KCNT2: variants seen among roughly 807,000 people sequenced by gnomAD.
KCNT2 encodes potassium channel subfamily T member 2.
A neutral mutation model predicts 153.8 loss-of-function variants in KCNT2; 67 were observed. That is an observed-to-expected ratio of 0.44 (90% confidence interval 0.36 to 0.53). The LOEUF is 0.53. Among genes scored for constraint, KCNT2 ranks in the 20% least tolerant of loss-of-function variants. KCNT2 has a pLI of 0.00. For missense variants in KCNT2, 975 were observed against 1,354.8 expected (o/e 0.72, Z 4.40); for synonymous variants, 500 against 458.8 (o/e 1.09, Z -1.15).
At chr1:196,389,989 G>A (rs983193919) in intron 13 of KCNT2, among the ~76,000 whole-genome samples, 1 of 151,334 alleles carries the variant, frequency 6.6e-6, no homozygotes, top group African/African-American at 2.4e-5. Context: ...TTTTTAGCCT[G>A]GCTTTTAGAG....
At chr1:196,508,189 C>A (rs1399252741) in intron 1 of KCNT2, among the ~76,000 whole-genome samples, 177 of 59,926 alleles carry the variant, frequency 3.0e-3, no homozygotes, top group African/African-American at 6.4e-3. Flanking sequence ...CCCTAAGTAG[C>A]AAAAAAAAAA....
chr1:196,533,171 C>A (rs1040487118), intron 1 of KCNT2, among the ~76,000 whole-genome samples: 3 of 152,028 alleles, frequency 2.0e-5, no homozygotes, highest in African/African-American at 7.2e-5. Context: ...ATTACTTGCA[C>A]CTACTAATAT....
intron 8 of KCNT2, among the ~76,000 whole-genome samples, chr1:196,433,620 A>T (rs999644415): frequency 1.3e-5 from 2 of 152,100 alleles, no homozygotes; most frequent in Non-Finnish European, 2.9e-5. Flanking sequence ...AAGCTATTTT[A>T]AAAATCAGTG....
At position 196,304,813 on chromosome 1, in the gene KCNT2, C is replaced by G. The variant is rs181922499; in HGVS notation, c.2595+421G>C. On this transcript the variant is annotated intron_variant, in intron 22 of 27. Coordinates refer to ENST00000294725, the MANE Select transcript of KCNT2 (RefSeq NM_198503.5). Reference sequence around the variant, plus strand: ...CTCAGTATATTTTGACCTTGTTTTCCTCCCTCTGAGACCTTGCCAAACTTC... The same window carrying G: ...CTCAGTATATTTTGACCTTGTTTTCGTCCCTCTGAGACCTTGCCAAACTTC... Among the ~76,000 whole-genome samples the G allele has an allele frequency of 1.7e-3, 264 of 152,158 alleles. 10 individuals are homozygous for G. The highest frequency in any genetic ancestry group is 0.014 in the Admixed American group (218 of 15,272).
At chr1:196,339,525 A>AGAGAGG (rs1016198236) in intron 16 of KCNT2, among the ~76,000 whole-genome samples, 4 of 131,262 alleles carry the variant, frequency 3.0e-5, no homozygotes, top group African/African-American at 1.2e-4. Flanking sequence ...ACACACAGAG[A>AGAGAGG]GAGAGAGAGA....
intron 5 of KCNT2, among the ~76,000 whole-genome samples, chr1:196,478,848 A>T (rs1474248364): frequency 6.6e-6 from 1 of 152,212 alleles, no homozygotes; most frequent in Non-Finnish European, 1.5e-5. Flanking sequence ...TTCCTAAGAG[A>T]CATGTTTTTG....
intron 24 of KCNT2, 150 bp downstream of exon 24, chr1:196,282,123 A>T: frequency 2.1e-6 from 1 of 476,524 alleles, no homozygotes; most frequent in South Asian, 5.0e-5. Context: ...TTTCCTTGAA[A>T]TTTTTAAAGG....
At chr1:196,440,344 C>A (rs565488749) in intron 8 of KCNT2, among the ~76,000 whole-genome samples, 1 of 152,050 alleles carries the variant, frequency 6.6e-6, no homozygotes, top group East Asian at 1.9e-4. Context: ...ATTCTGCAGT[C>A]AAATACATTT....
chr1:196,270,457 A>G (rs1421843611), intron 25 of KCNT2, among the ~76,000 whole-genome samples: 1 of 152,094 alleles, frequency 6.6e-6, no homozygotes, highest in East Asian at 1.9e-4. Flanking sequence ...TATATTATGC[A>G]TATTTATATA....
chr1:196,280,874 G>T lies in KCNT2; in HGVS notation c.2896C>A (p.Leu966Ile). 1 of 1,612,122 alleles carries T rather than the reference G, an allele frequency of 6.2e-7. No individual in the cohort carries two copies. Among genetic ancestry groups the T allele is most frequent in the Non-Finnish European group, 8.5e-7 (1 of 1,178,456 alleles). Residue 966 changes from leucine (L) to isoleucine (I), a missense_variant, in exon 25 of 28, where the codon CTT becomes ATT. By Grantham distance (5) the Leu-to-Ile change is conservative. Transcript: ENST00000294725. ...TATTTCCAAACCTCAGATGTAGTAA[G>T]TTTCTGAGACTCAGTCCTGTAGATT... is the stretch of plus-strand genomic sequence containing the variant. ...IGIYRTESQK[L>I]TTSESQISIS...
intron 21 of KCNT2, among the ~76,000 whole-genome samples, chr1:196,313,725 G>C (rs1417231534): frequency 6.6e-6 from 1 of 151,498 alleles, no homozygotes; most frequent in Non-Finnish European, 1.5e-5. Context: ...TATATACTTA[G>C]AGAAATAATA....
chr1:196,263,548 A>G (rs2147799056), intron 25 of KCNT2, among the ~76,000 whole-genome samples: 1 of 152,256 alleles, frequency 6.6e-6, no homozygotes, highest in Middle Eastern at 3.4e-3. Flanking sequence ...TTGCTGGTTG[A>G]TGGGTGCAGC....
At chr1:196,435,135 G>GTATATATATATA (rs200431131) in intron 8 of KCNT2, among the ~76,000 whole-genome samples, 1 of 76,872 alleles carries the variant, frequency 1.3e-5, no homozygotes, top group Admixed American at 1.6e-4. Context: ...GTGTGTGTGT[G>GTATATATATATA]TATGTATATA....
intron 14 of KCNT2, among the ~76,000 whole-genome samples, chr1:196,363,142 C>T (rs893406822): frequency 6.6e-6 from 1 of 152,022 alleles, no homozygotes; most frequent in Non-Finnish European, 1.5e-5. Flanking sequence ...AGAGCTATGC[C>T]TTATCCCTTA....
rs148711589 is a variant in KCNT2, at chr1:196,599,253, T to G, written c.95+8962A>C. Among the ~76,000 whole-genome samples, 420 of 152,342 alleles carry G rather than the reference T, an allele frequency of 2.8e-3. 10 individuals carry two copies. Among genetic ancestry groups the G allele is most frequent in the East Asian group, 6.2e-3 (32 of 5,186 alleles). ...CTAGTTGTTTATAATATGTGGACAA[T>G]CTACAAGTTTTCCCACAGGGAGTTA... On this transcript the variant is annotated intron_variant, in intron 1 of 27. Coordinates refer to ENST00000294725, the MANE Select transcript of KCNT2 (RefSeq NM_198503.5).
At chr1:196,257,403 C>G (rs1656608711) in intron 26 of KCNT2, 1 of 971,116 alleles carries the variant, frequency 1.0e-6, no homozygotes, top group Non-Finnish European at 1.2e-6. Flanking sequence ...GGAATACCTT[C>G]TATTTGATTC....
intron 14 of KCNT2, among the ~76,000 whole-genome samples, chr1:196,354,415 T>C (rs1201117370): frequency 6.6e-6 from 1 of 151,746 alleles, no homozygotes; most frequent in Non-Finnish European, 1.5e-5. Flanking sequence ...TATATTTATA[T>C]TTATTATCAA....
At chr1:196,580,688 G>A (rs1354240249) in intron 1 of KCNT2, among the ~76,000 whole-genome samples, 1 of 152,162 alleles carries the variant, frequency 6.6e-6, no homozygotes, top group Non-Finnish European at 1.5e-5. Context: ...TGTATTGGAA[G>A]AATGGGGAGT....
intron 12 of KCNT2, among the ~76,000 whole-genome samples, chr1:196,399,052 CT>C (rs1671190935): frequency 6.7e-6 from 1 of 150,310 alleles, no homozygotes; most frequent in Admixed American, 6.6e-5. Flanking sequence ...TAGAAAATTA[CT>C]TTTTTATATA....
Sources: gnomAD v4.1 joint callset for allele counts (sites outside exome capture counted in the v4.1 genomes callset) on GRCh38, gnomAD v4.1.1 for gene constraint, MANE v1.5 for transcripts, NCBI Gene and HGNC (gene_info 2026-07-23, HGNC 2026-07-21) for gene names.